SLC39A11: variants seen among roughly 807,000 people sequenced by gnomAD.
SLC39A11 encodes the protein solute carrier family 39 member 11, also known as zinc transporter ZIP11.
In SLC39A11, 33 loss-of-function variants were observed where a neutral mutation model predicts 36.1. That is an observed-to-expected ratio of 0.91 (90% CI 0.69 to 1.22). SLC39A11 has a LOEUF of 1.22. SLC39A11 is among the 50% of genes most tolerant of loss of function. SLC39A11 has a pLI of 0.00. For synonymous variants in SLC39A11, 166 were observed against 170.3 expected (o/e 0.97, Z 0.20); for missense variants, 432 against 430.3 (o/e 1.00, Z -0.03).
intron 4 of SLC39A11, among the ~76,000 whole-genome samples, chr17:73,009,690 C>T (rs1237686489): frequency 6.6e-6 from 1 of 152,024 alleles, no homozygotes; most frequent in African/African-American, 2.4e-5. Flanking sequence ...CTGAAGTGTT[C>T]CATTTAAAAT....
At chr17:72,980,492 A>G (rs1277434843) in intron 4 of SLC39A11, among the ~76,000 whole-genome samples, 1 of 152,180 alleles carries the variant, frequency 6.6e-6, no homozygotes, top group Non-Finnish European at 1.5e-5. Context: ...TAATGTAGAA[A>G]TTTGAAACAA....
Position 72,880,244 on chromosome 17 carries a change from C to T in SLC39A11, c.431-30440G>A, listed in dbSNP as rs527898397. Among the ~76,000 whole-genome samples, 329 of 152,306 alleles carry T rather than the reference C, an allele frequency of 2.2e-3. 3 individuals are homozygous for T. Among genetic ancestry groups the T allele is most frequent in the African/African-American group, 6.0e-3 (248 of 41,568 alleles). ...GGGAATGACAGAGGACAGCAAAGTA[C>T]GCCCCACTCTTCATGGGGTTTATGA... is the stretch of plus-strand genomic sequence containing the variant. On this transcript the variant is annotated intron_variant, in intron 5 of 9. Transcript: ENST00000255559.
chr17:73,021,332 C>CTCTT (rs1043926443), intron 4 of SLC39A11, among the ~76,000 whole-genome samples: 1 of 151,840 alleles, frequency 6.6e-6, no homozygotes, highest in Non-Finnish European at 1.5e-5. Context: ...AGTTCCCTTA[C>CTCTT]TCTTTCTTTC....
intron 7 of SLC39A11, among the ~76,000 whole-genome samples, chr17:72,736,012 A>C (rs1192953795): frequency 6.6e-6 from 1 of 152,252 alleles, no homozygotes; most frequent in Non-Finnish European, 1.5e-5. Context: ...CAGGTTCTAC[A>C]TGACAGCAGA....
intron 6 of SLC39A11, among the ~76,000 whole-genome samples, chr17:72,835,649 C>T (rs1204889657): frequency 2.0e-5 from 3 of 152,056 alleles, no homozygotes; most frequent in African/African-American, 4.8e-5. Context: ...TTTGTAGAGA[C>T]GGGGTTCTGC....
At chr17:72,966,611 C>A (rs1189561077) in intron 4 of SLC39A11, among the ~76,000 whole-genome samples, 1 of 152,164 alleles carries the variant, frequency 6.6e-6, no homozygotes, top group Non-Finnish European at 1.5e-5. Context: ...GCTCTGTCGC[C>A]CAGGCTGGAG....
chr17:73,036,460 G>A (rs185092357), intron 3 of SLC39A11, among the ~76,000 whole-genome samples: 127 of 151,570 alleles, frequency 8.4e-4, no homozygotes, highest in Non-Finnish European at 1.5e-3. Flanking sequence ...TTCTTTGCTT[G>A]TTTTGAGACA....
At chr17:73,016,447 C>T (rs903681445) in intron 4 of SLC39A11, among the ~76,000 whole-genome samples, 6 of 152,078 alleles carry the variant, frequency 3.9e-5, no homozygotes, top group Admixed American at 6.6e-5. Context: ...GATTCTCCTG[C>T]CTCAGCCTCC....
At position 72,875,674 on chromosome 17, in the gene SLC39A11, C is replaced by T. The variant is rs949913966; in HGVS notation, c.431-25870G>A. 1.1e-4 allele frequency among the ~76,000 whole-genome samples: 17 copies of T among 152,256 alleles called. 1 individual carries two copies. The highest frequency in any genetic ancestry group is 3.6e-4 in the African/African-American group (15 of 41,552). ...CAGTTCGCATGCATTTACTTATTAA[C>T]GATGATCTAATTCGGAGTCATTGTT... On this transcript the variant is annotated intron_variant, in intron 5 of 9. Transcript: ENST00000255559.
chr17:72,799,039 G>C (rs1226386406), intron 6 of SLC39A11, among the ~76,000 whole-genome samples: 1 of 151,282 alleles, frequency 6.6e-6, no homozygotes, highest in Admixed American at 6.6e-5. Context: ...GTTTTGACTT[G>C]TGCACTTGGA....
chr17:72,863,853 C>T (rs2080169364), intron 5 of SLC39A11, among the ~76,000 whole-genome samples: 1 of 152,212 alleles, frequency 6.6e-6, no homozygotes, highest in Admixed American at 6.5e-5. Context: ...GAAGTTAATG[C>T]TCAATTAGAT....
At chr17:72,743,378 C>T (rs902503319) in intron 6 of SLC39A11, among the ~76,000 whole-genome samples, 7 of 152,178 alleles carry the variant, frequency 4.6e-5, no homozygotes, top group South Asian at 4.1e-4. Context: ...ATTTTCCCTC[C>T]GGCCCATCCT....
At chr17:72,668,955 C>A (rs1040111596) in intron 7 of SLC39A11, among the ~76,000 whole-genome samples, 3 of 152,086 alleles carry the variant, frequency 2.0e-5, no homozygotes, top group Non-Finnish European at 4.4e-5. Context: ...ATGGGACAAC[C>A]AAAGCAAACA....
At chr17:72,975,848 G>A (rs1376733660) in intron 4 of SLC39A11, among the ~76,000 whole-genome samples, 1 of 152,110 alleles carries the variant, frequency 6.6e-6, no homozygotes, top group East Asian at 1.9e-4. Context: ...GTATCAAGAA[G>A]GACTGAGGCT....
At chr17:72,802,355 T>C (rs1284742277) in intron 6 of SLC39A11, among the ~76,000 whole-genome samples, 1 of 152,064 alleles carries the variant, frequency 6.6e-6, no homozygotes, top group Non-Finnish European at 1.5e-5. Flanking sequence ...TTTGGGAGGC[T>C]GAGGCAGGTG....
At chr17:72,666,097 G>A (rs948534675) in intron 7 of SLC39A11, among the ~76,000 whole-genome samples, 6 of 152,130 alleles carry the variant, frequency 3.9e-5, no homozygotes, top group Non-Finnish European at 5.9e-5. Flanking sequence ...TCTGGGCCTC[G>A]GTGTCTTCAG....
At chr17:72,686,176 CT>C (rs1403052243) in intron 7 of SLC39A11, among the ~76,000 whole-genome samples, 1 of 152,222 alleles carries the variant, frequency 6.6e-6, no homozygotes, top group African/African-American at 2.4e-5. Flanking sequence ...CACTCAACAT[CT>C]GTTCTTTGTT....
chr17:72,683,385 G>C (rs2071594274), intron 7 of SLC39A11, among the ~76,000 whole-genome samples: 1 of 144,690 alleles, frequency 6.9e-6, no homozygotes, highest in Non-Finnish European at 1.5e-5. Context: ...CTATAGGCTA[G>C]AGTGCAGTGG....
intron 5 of SLC39A11, among the ~76,000 whole-genome samples, chr17:72,925,366 A>T (rs1439330529): frequency 6.6e-6 from 1 of 152,246 alleles, no homozygotes; most frequent in Non-Finnish European, 1.5e-5. Context: ...TTTATGTCGT[A>T]TATAAATATA....
Sources: allele counts gnomAD v4.1 joint callset (sites outside exome capture counted in the v4.1 genomes callset), GRCh38; gene constraint gnomAD v4.1.1; transcripts MANE v1.5; gene names NCBI Gene and HGNC (gene_info 2026-07-23, HGNC 2026-07-21).